ITIH2: variants seen among roughly 807,000 people sequenced by gnomAD.
The protein encoded by ITIH2 is inter-alpha-trypsin inhibitor heavy chain 2, also known as inter-alpha-trypsin inhibitor heavy chain H2.
Under a neutral mutation model 104.4 loss-of-function variants are expected in ITIH2, and 103 were observed. The observed-to-expected ratio is 0.99, with a 90% CI of 0.84 to 1.16. The LOEUF is 1.16. ITIH2 is among the 50% of genes most tolerant of loss of function. The probability of loss-of-function intolerance (pLI) is 0.00; values close to 1 mark genes in which losing one functional copy is unlikely to be tolerated. For synonymous variants in ITIH2, 436 were observed against 435.4 expected (o/e 1.00, Z -0.02); for missense variants, 1,108 against 1,162.4 (o/e 0.95, Z 0.68).
In ITIH2 at chr10:7,727,846, C is replaced by T. The variant is rs377177337; in HGVS notation, c.1279+18C>T. ...AACAGTGGGCAAGTGTCACTTCAAC[C>T]TTCTCACGACAAACACTTTCACTGT... On this transcript the variant is annotated intron_variant, in intron 11 of 20. Coordinates refer to ENST00000358415, the MANE Select transcript of ITIH2 (RefSeq NM_002216.3). 9.6e-5 allele frequency: 155 copies of T among 1,613,566 alleles called. No homozygotes were observed. The highest frequency in any genetic ancestry group is 1.2e-4 in the Non-Finnish European group (141 of 1,179,690).
chr10:7,731,769 C>T (rs1835004926), intron 12 of ITIH2, 42 bp from the exon 13 acceptor site: 11 of 1,335,442 alleles, frequency 8.2e-6, no homozygotes, highest in East Asian at 2.3e-5. Flanking sequence ...ATCTACAAAG[C>T]AGTAGGAACA....
chr10:7,747,406 A>C (rs1337902677), intron 20 of ITIH2, among the ~76,000 whole-genome samples: 2 of 152,248 alleles, frequency 1.3e-5, no homozygotes, highest in Non-Finnish European at 2.9e-5. Flanking sequence ...ATAAAATTGT[A>C]GTCGGAAGTA....
chr10:7,744,287 A>G lies in ITIH2; in HGVS notation c.2408+7A>G, dbSNP rs767829040. On this transcript the variant is annotated splice_region_variant and intron_variant, in intron 18 of 20. Coordinates refer to ENST00000358415, the MANE Select transcript of ITIH2 (RefSeq NM_002216.3). Reference sequence around the variant, plus strand: ...CTCAAGTCACGAATCAGAGGCAAGTATGATTCCATCTGAACTTGGGCCTGT... The same window carrying G: ...CTCAAGTCACGAATCAGAGGCAAGTGTGATTCCATCTGAACTTGGGCCTGT... 16 of 1,611,400 alleles carry G rather than the reference A, an allele frequency of 9.9e-6. No homozygotes were observed. Among genetic ancestry groups the G allele is most frequent in the Non-Finnish European group, 1.4e-5 (16 of 1,177,776 alleles).
intron 8 of ITIH2, among the ~76,000 whole-genome samples, chr10:7,723,148 C>CGTGGCGTGGCGTGGAGTGGAGTGAA (rs1554765893): frequency 4.3e-5 from 6 of 139,524 alleles, no homozygotes; most frequent in African/African-American, 1.6e-4. Flanking sequence ...CGTGGAGTGG[C>CGTGGCGTGGCGTGGAGTGGAGTGAA]GTGGCGTGGA....
At chr10:7,723,266 G>A (rs1170880755) in intron 8 of ITIH2, among the ~76,000 whole-genome samples, 185 bp from the exon 9 acceptor site, 1 of 152,134 alleles carries the variant, frequency 6.6e-6, no homozygotes, top group Non-Finnish European at 1.5e-5. Context: ...GTTCTGCTAG[G>A]AAGGTCTTGA....
chr10:7,708,934 T>C (rs571310898), intron 3 of ITIH2, 88 bp from the exon 4 acceptor site: 5 of 1,073,154 alleles, frequency 4.7e-6, no homozygotes, highest in Admixed American at 1.8e-5. Context: ...AAGTAAAATG[T>C]AGTGTTGTTA....
intron 1 of ITIH2, among the ~76,000 whole-genome samples, chr10:7,704,581 C>T (rs1834727297): frequency 6.6e-6 from 1 of 152,158 alleles, no homozygotes; most frequent in Non-Finnish European, 1.5e-5. Context: ...TCTGTCTTAC[C>T]ACCTGCTGGC....
chr10:7,720,909 C>T lies in ITIH2; in HGVS notation c.684C>T (p.Asp228=). Residue 228 remains aspartate (D), a synonymous_variant, in exon 7 of 21, where the codon GAC becomes GAT. Transcript: ENST00000358415. The part of the protein sequence containing the change: ...PQGLRFLHVP[D]TFEGHFDGVP... ...GACTGAGATTTCTTCATGTTCCCGACACATTTGAAGGCCATTTCGATGGTG... is the reference window on the plus strand; with the variant it reads ...GACTGAGATTTCTTCATGTTCCCGATACATTTGAAGGCCATTTCGATGGTG... The T allele has an allele frequency of 6.2e-7, 1 of 1,613,864 alleles. No individual in the cohort carries two copies. Among genetic ancestry groups the T allele is most frequent in the African/African-American group, 1.3e-5 (1 of 75,018 alleles).
intron 14 of ITIH2, among the ~76,000 whole-genome samples, chr10:7,734,452 T>A (rs905228136): frequency 6.6e-6 from 1 of 152,216 alleles, no homozygotes; most frequent in Non-Finnish European, 1.5e-5. Context: ...CCCAGCACTT[T>A]GGGAGGCCAA....
rs766093294 is a variant in ITIH2 at position 7,746,696 on chromosome 10, C to G, written c.2685C>G (p.Ile895Met). The G allele has an allele frequency of 6.8e-6, 11 of 1,608,492 alleles. No homozygotes were observed. Among genetic ancestry groups the G allele is most frequent in the Non-Finnish European group, 9.4e-6 (11 of 1,175,092 alleles). ...TGGAAGTGAAGGGGCAGAAGCTGAT[C>G]ATCACCAGGTAGGCCTCGGGCGTAA... is the stretch of plus-strand genomic sequence containing the variant. ...ASMEVKGQKL[I>M]ITRGLQKDYR... The change falls in exon 20 of 21, where the codon ATC (isoleucine) becomes ATG (methionine). Residue 895 changes from isoleucine to methionine, a missense_variant. Coordinates refer to ENST00000358415, the MANE Select transcript of ITIH2 (RefSeq NM_002216.3).
chr10:7,746,201 G>A (rs1030193761), intron 19 of ITIH2, among the ~76,000 whole-genome samples: 1 of 148,338 alleles, frequency 6.7e-6, no homozygotes, highest in Non-Finnish European at 1.5e-5. Context: ...TGTGCAACAC[G>A]GTGAAACCCT....
At chr10:7,706,277 C>CTCAG (rs1327015689) in intron 2 of ITIH2, among the ~76,000 whole-genome samples, 2 of 152,162 alleles carry the variant, frequency 1.3e-5, no homozygotes, top group African/African-American at 2.4e-5. Flanking sequence ...AGCACAGAAC[C>CTCAG]TCAGTTCACC....
chr10:7,720,665 G>A (rs977657712), intron 6 of ITIH2, among the ~76,000 whole-genome samples, 191 bp from the exon 7 acceptor site: 2 of 152,220 alleles, frequency 1.3e-5, no homozygotes, highest in African/African-American at 4.8e-5. Flanking sequence ...CGACAGAAGG[G>A]GGTTAAGCCT....
At chr10:7,731,404 AGGT>A (rs1270188560) in intron 12 of ITIH2, among the ~76,000 whole-genome samples, 1 of 152,118 alleles carries the variant, frequency 6.6e-6, no homozygotes, top group Non-Finnish European at 1.5e-5. Context: ...ATAAATTAAG[AGGT>A]ATCTGCTGAT....
At chr10:7,710,593 G>T (rs1406844336) in intron 4 of ITIH2, among the ~76,000 whole-genome samples, 1 of 152,106 alleles carries the variant, frequency 6.6e-6, no homozygotes, top group African/African-American at 2.4e-5. Flanking sequence ...ATACACCAAG[G>T]TAATCAGTGA....
At chr10:7,711,297 C>T (rs1834795325) in intron 4 of ITIH2, among the ~76,000 whole-genome samples, 1 of 152,208 alleles carries the variant, frequency 6.6e-6, no homozygotes, top group Non-Finnish European at 1.5e-5. Flanking sequence ...GCATACTATT[C>T]CGTCCTTCAT....
Position 7,713,165 on chromosome 10 carries a change from T to C in ITIH2, c.363-16T>C. On this transcript the variant is annotated splice_polypyrimidine_tract_variant and intron_variant, in intron 4 of 20. Transcript: ENST00000358415. ...TTACTATTCTGACCAACTGGTTACCTTCTGTCATTTTCTAGGACTGTGGAC... is the reference window on the plus strand; with the variant it reads ...TTACTATTCTGACCAACTGGTTACCCTCTGTCATTTTCTAGGACTGTGGAC... The C allele has an allele frequency of 6.3e-7, 1 of 1,591,280 alleles. No homozygotes were observed. Among genetic ancestry groups the C allele is most frequent in the Non-Finnish European group, 8.6e-7 (1 of 1,160,498 alleles).
rs1037269224 is a variant in ITIH2, at chr10:7,727,058, G to C, written c.1093G>C (p.Ala365Pro). 3.1e-6 allele frequency: 5 copies of C among 1,614,036 alleles called. No homozygotes were observed. In the Admixed American group the frequency reaches 5.0e-5, roughly 16 times the overall value. Residue 365 changes from alanine to proline, a missense_variant, in exon 10 of 21, where the codon GCT (alanine) becomes CCT (proline). Transcript: ENST00000358415. The part of the protein sequence containing the change: ...IRTWRNDLIS[A>P]TKTQVADAKR... ...AACTTGGAGAAATGATTTAATTTCA[G>C]CTACAAAAACACAGGTTGCAGATGC...
At position 7,744,999 on chromosome 10, in the gene ITIH2, C is replaced by A. The variant is rs746233955; in HGVS notation, c.2581+36C>A. 11 of 1,580,318 alleles carry A rather than the reference C, an allele frequency of 7.0e-6. 1 individual carries two copies. The highest frequency in any genetic ancestry group is 6.7e-5 in the South Asian group (6 of 89,206). On this transcript the variant is annotated intron_variant, in intron 19 of 20. Transcript: ENST00000358415. ...TATTGACCATCTGACAAGGGTGGGG[C>A]CGCTCTAATTCTTTAGCAGCTTTGG...
Sources: gnomAD v4.1 joint callset for allele counts (sites outside exome capture counted in the v4.1 genomes callset) on GRCh38, gnomAD v4.1.1 for gene constraint, MANE v1.5 for transcripts, NCBI Gene and HGNC (gene_info 2026-07-23, HGNC 2026-07-21) for gene names.